Variants in ULK4 observed in about 807,000 individuals in gnomAD.
ULK4 encodes the protein unc-51 like kinase 4.
In ULK4, 133 loss-of-function variants were observed where a neutral mutation model predicts 160.6. The observed-to-expected ratio is 0.83, with a 90% CI of 0.72 to 0.96. The LOEUF (loss-of-function observed/expected upper bound fraction) is 0.96, where lower values mean the gene tolerates loss of function less well. ULK4 is among the 40% of genes least tolerant of loss of function. The pLI is 0.00. For missense variants in ULK4, 1,580 were observed against 1,499.5 expected (o/e 1.05, Z -0.89); for synonymous variants, 534 against 539.8 (o/e 0.99, Z 0.15).
chr3:41,500,280 C>CTT lies in ULK4; in HGVS notation c.3227-37029_3227-37028dup, dbSNP rs34817731. ...CCTAGCTCATTAATTTTCATCTTAT[C>CTT]TTTTTTTTTTTTTCCTACTGAAATC... On this transcript the variant is annotated intron_variant, in intron 32 of 36. Coordinates refer to ENST00000301831, the MANE Select transcript of ULK4 (RefSeq NM_017886.4). 5.3e-4 allele frequency among the ~76,000 whole-genome samples: 74 copies of CTT among 139,846 alleles called. 2 individuals carry two copies. In the Middle Eastern group the frequency reaches 0.012, roughly 22 times the overall value. 91.7% of individuals were successfully genotyped at this position (139,846 alleles called of 152,430 possible). A position where few individuals can be genotyped will look rare whatever the true frequency, so the allele number is the denominator to read the frequency against.
chr3:41,942,827 T>A (rs1187870479), intron 2 of ULK4, among the ~76,000 whole-genome samples: 1 of 118,408 alleles, frequency 8.4e-6, no homozygotes, highest in African/African-American at 2.6e-5. Context: ...AAAAAATAAA[T>A]TAATTAATTT....
chr3:41,518,031 G>A (rs535781773), intron 32 of ULK4, among the ~76,000 whole-genome samples: 1 of 152,304 alleles, frequency 6.6e-6, no homozygotes, highest in East Asian at 1.9e-4. Flanking sequence ...AACGGGAAAG[G>A]AAATCTTCTG....
chr3:41,659,288 T>C (rs1328892364), intron 30 of ULK4, among the ~76,000 whole-genome samples: 1 of 152,156 alleles, frequency 6.6e-6, no homozygotes, highest in African/African-American at 2.4e-5. Flanking sequence ...GCTGCACTAT[T>C]CATGACAGCA....
chr3:41,712,963 C>T (rs1345841795), intron 25 of ULK4, among the ~76,000 whole-genome samples: 1 of 151,640 alleles, frequency 6.6e-6, no homozygotes, highest in East Asian at 1.9e-4. Flanking sequence ...TATGAATGGA[C>T]TACTTCCCTA....
rs536670720 is a variant in ULK4 at position 41,399,435 on chromosome 3, C to T, written c.3493-1171G>A. Among the ~76,000 whole-genome samples, 9 of 152,118 alleles carry T rather than the reference C, an allele frequency of 5.9e-5. No individual in the cohort carries two copies. The South Asian group carries it at 1.7e-3, about 28-fold the overall frequency. On this transcript the variant is annotated intron_variant, in intron 34 of 36. Transcript: ENST00000301831. The stretch of plus-strand genomic sequence containing the variant: ...AAATACATAATTTAAAAGGTTTTTC[C>T]TTTCTGCAAGTTGTCTTTTGACTTT...
Position 41,368,260 on chromosome 3 carries a change from AG to A in ULK4, c.3678+29818del, listed in dbSNP as rs548299861. Among the ~76,000 whole-genome samples the A allele has an allele frequency of 1.2e-3, 180 of 152,148 alleles. 1 individual carries two copies. The highest frequency in any genetic ancestry group is 4.2e-3 in the African/African-American group (173 of 41,520). On this transcript the variant is annotated intron_variant, in intron 35 of 36. Transcript: ENST00000301831. ...GAGATGGGGTTTCACTGTGTTAGCC[AG>A]GATGGTCTCAATCTCCTGACCTCGT...
chr3:41,250,289 C>T (rs545258156), intron 35 of ULK4, among the ~76,000 whole-genome samples: 1 of 152,168 alleles, frequency 6.6e-6, no homozygotes, highest in Non-Finnish European at 1.5e-5. Context: ...TTTGATTCTA[C>T]TATTAGACTT....
intron 17 of ULK4, among the ~76,000 whole-genome samples, chr3:41,877,900 G>A (rs990801957): frequency 1.3e-5 from 2 of 151,926 alleles, no homozygotes; most frequent in African/African-American, 4.8e-5. Context: ...AGAATCGCTT[G>A]AACCCGGGAG....
At chr3:41,469,759 T>G (rs1449695118) in intron 32 of ULK4, among the ~76,000 whole-genome samples, 3 of 142,800 alleles carry the variant, frequency 2.1e-5, no homozygotes, top group African/African-American at 8.8e-5. Flanking sequence ...CAATAGACCC[T>G]AAAGAAAGGG....
chr3:41,800,202 TCTC>T lies in ULK4; in HGVS notation c.1937_1939del (p.Gly646del). On this transcript the variant is annotated inframe_deletion, in exon 20 of 37. Coordinates refer to ENST00000301831, the MANE Select transcript of ULK4 (RefSeq NM_017886.4). ...TAGGTACCACAAAATGGGTCCTATT[TCTC>T]CTGTAATAAAGCCCTGGGACTGAGC... is the stretch of plus-strand genomic sequence containing the variant. The T allele has an allele frequency of 6.2e-7, 1 of 1,613,798 alleles. No individual in the cohort carries two copies. The highest frequency in any genetic ancestry group is 8.5e-7 in the Non-Finnish European group (1 of 1,179,878).
At chr3:41,647,091 C>T (rs563239502) in intron 30 of ULK4, among the ~76,000 whole-genome samples, 10 of 152,134 alleles carry the variant, frequency 6.6e-5, no homozygotes, top group Admixed American at 2.6e-4. Flanking sequence ...GTTATACATT[C>T]GTCTAAATTT....
intron 35 of ULK4, among the ~76,000 whole-genome samples, chr3:41,275,974 A>T (rs1000578836): frequency 6.6e-6 from 1 of 152,238 alleles, no homozygotes; most frequent in Non-Finnish European, 1.5e-5. Context: ...AGAAAGGATG[A>T]AGAATTAGCT....
intron 31 of ULK4, among the ~76,000 whole-genome samples, chr3:41,597,144 C>T (rs1260338609): frequency 6.6e-6 from 1 of 152,116 alleles, no homozygotes; most frequent in Non-Finnish European, 1.5e-5. Context: ...ACGGAGGTGA[C>T]TGGGAGGGGT....
intron 22 of ULK4, among the ~76,000 whole-genome samples, chr3:41,737,994 T>C (rs1384213084): frequency 1.3e-5 from 2 of 151,958 alleles, no homozygotes; most frequent in African/African-American, 2.4e-5. Context: ...AATGAAAATC[T>C]GGTACATCCC....
intron 35 of ULK4, among the ~76,000 whole-genome samples, chr3:41,395,596 G>A (rs1373596337): frequency 6.6e-6 from 1 of 152,068 alleles, no homozygotes; most frequent in Non-Finnish European, 1.5e-5. Flanking sequence ...ACAGAAAGTC[G>A]AATGGTGGTT....
At chr3:41,850,079 G>C (rs1028820758) in intron 17 of ULK4, among the ~76,000 whole-genome samples, 15 of 152,082 alleles carry the variant, frequency 9.9e-5, no homozygotes, top group Non-Finnish European at 1.9e-4. Context: ...TTTCGTCCTT[G>C]TCATAATTTG....
chr3:41,535,837 T>G lies in ULK4; in HGVS notation c.3226+30188A>C, dbSNP rs540954300. On this transcript the variant is annotated intron_variant, in intron 32 of 36. Coordinates refer to ENST00000301831, the MANE Select transcript of ULK4 (RefSeq NM_017886.4). ...CCCCTCTGCTCTAACATCCACCAGC[T>G]GGGGCCAGGATAGAGTTTCTGACCT... Among the ~76,000 whole-genome samples the G allele has an allele frequency of 3.3e-5, 5 of 152,294 alleles. No homozygotes were observed. In the East Asian group the frequency reaches 9.6e-4, roughly 29 times the overall value.
chr3:41,611,518 T>G (rs1399638338), intron 31 of ULK4, among the ~76,000 whole-genome samples: 1 of 152,198 alleles, frequency 6.6e-6, no homozygotes, highest in East Asian at 1.9e-4. Context: ...TATCTTATGT[T>G]GCCAGCCCCA....
At chr3:41,296,169 G>C (rs1306306337) in intron 35 of ULK4, among the ~76,000 whole-genome samples, 1 of 152,210 alleles carries the variant, frequency 6.6e-6, no homozygotes, top group Non-Finnish European at 1.5e-5. Flanking sequence ...ACTGCCTGGT[G>C]GGGGATGTTG....
Sources: allele counts gnomAD v4.1 joint callset (sites outside exome capture counted in the v4.1 genomes callset), GRCh38; gene constraint gnomAD v4.1.1; transcripts MANE v1.5; gene names NCBI Gene and HGNC (gene_info 2026-07-23, HGNC 2026-07-21).